DAP: variants seen among roughly 807,000 people sequenced by gnomAD.
The protein encoded by DAP is death-associated protein 1.
In DAP, 8 loss-of-function variants were observed where a neutral mutation model predicts 13.8. That is an observed-to-expected ratio of 0.58 (90% CI 0.34 to 1.05). The LOEUF (loss-of-function observed/expected upper bound fraction) is 1.05. Among genes scored for constraint, DAP ranks in the 50% least tolerant of loss-of-function variants. The pLI, the probability that DAP is intolerant of heterozygous loss-of-function variation, is 0.03. For missense variants in DAP, 106 were observed against 133.2 expected (o/e 0.80, Z 1.01); for synonymous variants, 47 against 47.5 (o/e 0.99, Z 0.04).
chr5:10,737,903 T>A (rs1280190805), intron 2 of DAP, among the ~76,000 whole-genome samples: 1 of 152,088 alleles, frequency 6.6e-6, no homozygotes, highest in African/African-American at 2.4e-5. Flanking sequence ...AGTGTCCTTA[T>A]GAAAAGGGGA....
intron 1 of DAP, among the ~76,000 whole-genome samples, chr5:10,750,137 G>A (rs147053226): frequency 2.0e-5 from 3 of 152,234 alleles, no homozygotes; most frequent in East Asian, 3.9e-4. Context: ...GCCACAAGAC[G>A]GCTAACATCA....
intron 3 of DAP, 141 bp downstream of exon 3, chr5:10,683,388 T>A: frequency 1.1e-6 from 1 of 877,668 alleles, no homozygotes; most frequent in East Asian, 2.4e-5. Flanking sequence ...AACGCGGCAA[T>A]GAAGAGAGCC....
At position 10,760,998 on chromosome 5, in the gene DAP, G is replaced by C. The variant is rs746509981; in HGVS notation, c.55+16C>G. The C allele has an allele frequency of 2.4e-6, 3 of 1,231,478 alleles. No individual in the cohort carries two copies. The highest frequency in any genetic ancestry group is 3.1e-6 in the Non-Finnish European group (3 of 975,802). 76.3% of individuals were successfully genotyped at this position (1,231,478 alleles called of 1,614,324 possible). ...CCCGGCACCCGCGCGTGGAGAGAGA[G>C]GAAAAGAGTCAGTACCGGCGGGCGG... On this transcript the variant is annotated intron_variant, in intron 1 of 3. Transcript: ENST00000230895.
chr5:10,748,419 G>C, intron 1 of DAP, 148 bp from the exon 2 acceptor site: 1 of 643,514 alleles, frequency 1.6e-6, no homozygotes, highest in Non-Finnish European at 2.8e-6. Flanking sequence ...GGGAAGGTCA[G>C]GGTTGTCGGG....
chr5:10,713,970 G>A (rs1216753852), intron 2 of DAP, among the ~76,000 whole-genome samples: 2 of 152,332 alleles, frequency 1.3e-5, no homozygotes, highest in East Asian at 3.9e-4. Flanking sequence ...GCCTTGCAAT[G>A]GAATCACTTA....
intron 2 of DAP, among the ~76,000 whole-genome samples, chr5:10,709,983 T>C (rs951103371): frequency 2.6e-5 from 4 of 152,218 alleles, no homozygotes; most frequent in African/African-American, 9.7e-5. Flanking sequence ...GCGATCTGTG[T>C]GTAACCAGCC....
rs148309936 is a variant in DAP at position 10,746,659 on chromosome 5, T to C, written c.152+1516A>G. 1.2e-4 allele frequency among the ~76,000 whole-genome samples: 18 copies of C among 152,352 alleles called. No homozygotes were observed. In the East Asian group the frequency reaches 3.3e-3, roughly 28 times the overall value. On this transcript the variant is annotated intron_variant, in intron 2 of 3. Transcript: ENST00000230895. ...CTAGCATTTTCTTTAAACTGCCTTC[T>C]TTTAAACCAGAACTGGGACTGAATC...
intron 1 of DAP, among the ~76,000 whole-genome samples, chr5:10,750,127 G>A (rs1740009707): frequency 6.6e-6 from 1 of 152,094 alleles, no homozygotes; most frequent in Admixed American, 6.6e-5. Context: ...CTGAGTCTCT[G>A]CCACAAGACG....
intron 2 of DAP, among the ~76,000 whole-genome samples, chr5:10,700,838 C>T (rs1324426538): frequency 7.2e-5 from 11 of 152,348 alleles, no homozygotes; most frequent in South Asian, 4.1e-4. Flanking sequence ...CTCTGGGTCA[C>T]GTGCTATAGG....
At chr5:10,730,677 G>A (rs527542137) in intron 2 of DAP, among the ~76,000 whole-genome samples, 7 of 124,816 alleles carry the variant, frequency 5.6e-5, no homozygotes, top group Non-Finnish European at 8.4e-5. Flanking sequence ...GAGCCCTGGT[G>A]GGGGGGAATC....
intron 2 of DAP, among the ~76,000 whole-genome samples, chr5:10,698,441 G>A (rs1426593118): frequency 2.0e-5 from 3 of 152,044 alleles, no homozygotes; most frequent in East Asian, 3.8e-4. Flanking sequence ...AGCAAACACC[G>A]CCGAGTATTA....
intron 2 of DAP, among the ~76,000 whole-genome samples, chr5:10,706,449 A>T (rs1211836772): frequency 6.6e-6 from 1 of 152,240 alleles, no homozygotes; most frequent in African/African-American, 2.4e-5. Flanking sequence ...CAAACTCACA[A>T]GTGTGACACC....
At chr5:10,688,680 C>CT (rs1201362707) in intron 2 of DAP, among the ~76,000 whole-genome samples, 1 of 152,250 alleles carries the variant, frequency 6.6e-6, no homozygotes, top group East Asian at 1.9e-4. Flanking sequence ...CACACAACTA[C>CT]TGTCCCATCA....
intron 2 of DAP, among the ~76,000 whole-genome samples, chr5:10,726,287 AAC>A (rs1414502588): frequency 6.6e-6 from 1 of 152,226 alleles, no homozygotes; most frequent in African/African-American, 2.4e-5. Flanking sequence ...TTCTCCCTTT[AAC>A]ACAGTGTTCA....
At chr5:10,695,651 G>C (rs1002411742) in intron 2 of DAP, among the ~76,000 whole-genome samples, 1 of 152,154 alleles carries the variant, frequency 6.6e-6, no homozygotes, top group Admixed American at 6.5e-5. Context: ...AGGCTGGGAC[G>C]GCAATCTGCC....
At chr5:10,736,380 G>C (rs5745206) in intron 2 of DAP, among the ~76,000 whole-genome samples, 2 of 152,182 alleles carry the variant, frequency 1.3e-5, no homozygotes, top group Admixed American at 6.5e-5. Context: ...GAATGGCTTT[G>C]TCCTAATGGC....
intron 2 of DAP, among the ~76,000 whole-genome samples, chr5:10,710,446 AG>A (rs1738818995): frequency 6.6e-6 from 1 of 152,240 alleles, no homozygotes; most frequent in African/African-American, 2.4e-5. Flanking sequence ...ACGTGTCCAC[AG>A]CCCCAATACG....
intron 2 of DAP, among the ~76,000 whole-genome samples, chr5:10,728,258 T>G (rs1561024703): frequency 6.6e-6 from 1 of 152,244 alleles, no homozygotes; most frequent in Non-Finnish European, 1.5e-5. Flanking sequence ...TTCATCTTCT[T>G]TTGAATTCAC....
At chr5:10,741,381 TGGTAGGA>T (rs1739750854) in intron 2 of DAP, among the ~76,000 whole-genome samples, 1 of 152,078 alleles carries the variant, frequency 6.6e-6, no homozygotes, top group Admixed American at 6.5e-5. Flanking sequence ...TGGGGGGCTG[TGGTAGGA>T]GTATTCACAC....
Sources: gnomAD v4.1 joint callset for allele counts (sites outside exome capture counted in the v4.1 genomes callset) on GRCh38, gnomAD v4.1.1 for gene constraint, MANE v1.5 for transcripts, NCBI Gene and HGNC (gene_info 2026-07-23, HGNC 2026-07-21) for gene names.